WDFY1: variants seen among roughly 807,000 people sequenced by gnomAD.
WDFY1 encodes WD repeat and FYVE domain containing 1.
Under a neutral mutation model 56.4 loss-of-function variants are expected in WDFY1, and 32 were observed. That is an observed-to-expected ratio of 0.57 (90% CI 0.43 to 0.76). WDFY1 has a LOEUF of 0.76. Ranked by LOEUF, WDFY1 falls within the 30% of genes least tolerant of loss-of-function variation. WDFY1 has a pLI of 0.00. For missense variants in WDFY1, 480 were observed against 545.7 expected (o/e 0.88, Z 1.20); for synonymous variants, 192 against 197.3 (o/e 0.97, Z 0.23).
intron 2 of WDFY1, among the ~76,000 whole-genome samples, chr2:223,916,989 T>G (rs1407254503): frequency 6.6e-6 from 1 of 151,826 alleles, no homozygotes; most frequent in Non-Finnish European, 1.5e-5. Flanking sequence ...TAATTTTGTA[T>G]TTTTAGTAGA....
intron 5 of WDFY1, chr2:223,899,401 C>T (rs1285261478): frequency 2.1e-5 from 5 of 240,098 alleles, no homozygotes; most frequent in Non-Finnish European, 8.2e-6. Flanking sequence ...CAGACACACA[C>T]GAAAACAAGT....
intron 10 of WDFY1, among the ~76,000 whole-genome samples, chr2:223,881,036 C>T (rs1452345763): frequency 8.5e-5 from 13 of 152,198 alleles, no homozygotes; most frequent in Non-Finnish European, 1.5e-4. Flanking sequence ...CCAACATTTG[C>T]CTCTGCTGCT....
At position 223,924,622 on chromosome 2, in the gene WDFY1, C is replaced by T. The variant is rs1693948971; in HGVS notation, c.138-6612G>A. 2.0e-5 allele frequency among the ~76,000 whole-genome samples: 3 copies of T among 152,194 alleles called. No homozygotes were observed. The South Asian group carries it at 6.2e-4, about 31-fold the overall frequency. ...CAAGTGATCTGCCCGCCTCGGCCTC[C>T]CAAAGTGCTGGGATTACAGGTGTGA... is the stretch of plus-strand genomic sequence containing the variant. On this transcript the variant is annotated intron_variant, in intron 1 of 11. Coordinates refer to ENST00000233055, the MANE Select transcript of WDFY1 (RefSeq NM_020830.5).
In WDFY1 at chr2:223,879,507, A is replaced by G. The variant is rs112560650; in HGVS notation, c.1173+617T>C. Reference sequence around the variant, plus strand: ...CCAATCTCTATGAAAAATCCCCCCAAAATTAGCCAAGCCTGGTGGCAGGCA... The same window carrying G: ...CCAATCTCTATGAAAAATCCCCCCAGAATTAGCCAAGCCTGGTGGCAGGCA... On this transcript the variant is annotated intron_variant, in intron 11 of 11. Transcript: ENST00000233055. Among the ~76,000 whole-genome samples the G allele has an allele frequency of 6.6e-3, 1,001 of 151,936 alleles. 5 individuals are homozygous for G. Among genetic ancestry groups the G allele is most frequent in the African/African-American group, 0.022 (922 of 41,410 alleles).
chr2:223,945,178 T>G lies in WDFY1; in HGVS notation c.107A>C (p.Glu36Ala), dbSNP rs1689390302. ...AVTAALLIPK[E>A]DGVITASEDR... is the part of the protein sequence containing the mutation. ...CTCGCTGGCCGTGATCACGCCGTCC[T>G]CCTTGGGGATGAGCAGCGCGGCCGT... Residue 36 changes from glutamate (E) to alanine (A), a missense_variant, in exon 1 of 12, where the codon GAG becomes GCG. Glu to Ala is a moderately radical substitution (Grantham distance 107). Coordinates refer to ENST00000233055, the MANE Select transcript of WDFY1 (RefSeq NM_020830.5). 6.3e-7 allele frequency: 1 copy of G among 1,597,600 alleles called. No homozygotes were observed. The highest frequency in any genetic ancestry group is 1.4e-5 in the African/African-American group (1 of 72,568).
intron 1 of WDFY1, among the ~76,000 whole-genome samples, chr2:223,935,881 G>A (rs902498613): frequency 2.6e-5 from 4 of 152,100 alleles, no homozygotes; most frequent in African/African-American, 7.2e-5. Flanking sequence ...GAATACAGGA[G>A]AGAGGGCAAG....
intron 8 of WDFY1, among the ~76,000 whole-genome samples, chr2:223,892,267 C>A (rs1693293046): frequency 6.6e-6 from 1 of 152,264 alleles, no homozygotes; most frequent in South Asian, 2.1e-4. Flanking sequence ...TGAGCCACTG[C>A]GCTGGCCACA....
intron 11 of WDFY1, 92 bp downstream of exon 11, chr2:223,880,032 G>T: frequency 9.1e-7 from 1 of 1,102,028 alleles, no homozygotes; most frequent in Non-Finnish European, 1.4e-6. Flanking sequence ...TATAAAGCTT[G>T]CCAGTCAGAA....
chr2:223,914,148 C>G (rs535940518), intron 2 of WDFY1, among the ~76,000 whole-genome samples: 5 of 152,018 alleles, frequency 3.3e-5, no homozygotes, highest in Non-Finnish European at 7.4e-5. Flanking sequence ...AGGCAGCCAC[C>G]ACCACACCAG....
intron 1 of WDFY1, among the ~76,000 whole-genome samples, chr2:223,944,123 G>A (rs778714006): frequency 2.0e-5 from 3 of 152,176 alleles, no homozygotes; most frequent in Non-Finnish European, 4.4e-5. Context: ...AAGAGTTCAG[G>A]TGATTCTAGC....
At chr2:223,895,373 C>T in intron 7 of WDFY1, 131 bp downstream of exon 7, 5 of 1,368,202 alleles carry the variant, frequency 3.7e-6, no homozygotes, top group Non-Finnish European at 5.1e-6. Context: ...TAAAAGTGAA[C>T]TGAGCCCTAT....
intron 3 of WDFY1, among the ~76,000 whole-genome samples, chr2:223,907,055 A>T (rs1366787769): frequency 6.6e-6 from 1 of 151,802 alleles, no homozygotes; most frequent in Non-Finnish European, 1.5e-5. Flanking sequence ...GCTCACTGTA[A>T]CCTCTGCCTC....
intron 1 of WDFY1, among the ~76,000 whole-genome samples, chr2:223,925,579 AC>A (rs1264068481): frequency 6.6e-6 from 1 of 152,134 alleles, no homozygotes; most frequent in Non-Finnish European, 1.5e-5. Context: ...AAATAAGACA[AC>A]CAAGAAGTTT....
At chr2:223,911,179 G>A (rs1693691866) in intron 3 of WDFY1, among the ~76,000 whole-genome samples, 1 of 152,130 alleles carries the variant, frequency 6.6e-6, no homozygotes. Context: ...TTTATATAAA[G>A]TGTCTAAAAT....
At chr2:223,889,388 G>T (rs962860487) in intron 8 of WDFY1, among the ~76,000 whole-genome samples, 4 of 152,120 alleles carry the variant, frequency 2.6e-5, no homozygotes, top group Non-Finnish European at 4.4e-5. Context: ...GTTATGGTCT[G>T]GCTCTGTGTC....
intron 9 of WDFY1, 120 bp downstream of exon 9, chr2:223,884,528 A>G (rs1053750255): frequency 2.2e-6 from 2 of 897,130 alleles, no homozygotes; most frequent in African/African-American, 3.3e-5. Flanking sequence ...AAAGACATAG[A>G]AAATGTAGGA....
At chr2:223,906,660 C>G (rs1471211103) in intron 3 of WDFY1, among the ~76,000 whole-genome samples, 1 of 151,132 alleles carries the variant, frequency 6.6e-6, no homozygotes, top group Admixed American at 6.6e-5. Flanking sequence ...GCTGGGATTA[C>G]AGAAGTGCAC....
intron 5 of WDFY1, among the ~76,000 whole-genome samples, chr2:223,900,359 A>C (rs1162796996): frequency 2.0e-5 from 3 of 152,232 alleles, no homozygotes; most frequent in African/African-American, 7.2e-5. Context: ...CATTTGTAGC[A>C]AACATTTTAA....
chr2:223,887,347 A>T (rs547640222), intron 8 of WDFY1, among the ~76,000 whole-genome samples: 227 of 152,316 alleles, frequency 1.5e-3, no homozygotes, highest in African/African-American at 5.2e-3. Context: ...ATGGACCAAA[A>T]AGCAGCACAA....
Sources: gnomAD v4.1 joint callset for allele counts (sites outside exome capture counted in the v4.1 genomes callset) on GRCh38, gnomAD v4.1.1 for gene constraint, MANE v1.5 for transcripts, NCBI Gene and HGNC (gene_info 2026-07-23, HGNC 2026-07-21) for gene names.